Variants in PUDP observed in about 807,000 individuals in gnomAD.
PUDP encodes pseudouridine-5'-phosphatase.
In PUDP, 8 loss-of-function variants were observed where a neutral mutation model predicts 9.4. That is an observed-to-expected ratio of 0.85 (90% CI 0.50 to 1.53). The LOEUF is 1.53. Ranked by LOEUF, PUDP falls within the 40% of genes most tolerant of loss-of-function variation. PUDP has a pLI of 0.00. For synonymous variants in PUDP, 99 were observed against 80.7 expected, an observed-to-expected ratio of 1.23 and a Z score of -1.22; for missense variants, 188 against 189.7, an observed-to-expected ratio of 0.99 and a Z score of 0.05.
intron 3 of PUDP, among the ~76,000 whole-genome samples, chrX:6,848,094 A>AC (rs1926775091): frequency 8.9e-6 from 1 of 112,079 alleles, no homozygotes; most frequent in Non-Finnish European, 1.9e-5. Flanking sequence ...GATCCTGTGT[A>AC]CATCTTCACT....
rs1005567620 is a variant in PUDP, at chrX:6,769,806, A to C, written c.*248-63340T>G. On this transcript the variant is annotated intron_variant and NMD_transcript_variant, in intron 3 of 3. Transcript: ENST00000655425. ...GCCTAGCGCCTGGGCTCTCAATCGT[A>C]CTTAAATAAATAGCAATTTTGATGG... 3.6e-5 allele frequency among the ~76,000 whole-genome samples: 4 copies of C among 112,174 alleles called. No individual in the cohort carries two copies. The Admixed American group carries it at 3.8e-4, about 11-fold the overall frequency.
rs193164745 is a variant in PUDP at position 7,103,041 on chromosome X, A to G, written c.280+2579T>C. Among the ~76,000 whole-genome samples, 218 of 111,974 alleles carry G rather than the reference A, an allele frequency of 1.9e-3. 1 individual carries two copies. Among genetic ancestry groups the G allele is most frequent in the Non-Finnish European group, 2.9e-3 (152 of 53,110 alleles). On this transcript the variant is annotated intron_variant, in intron 2 of 3. Transcript: ENST00000381077. The stretch of plus-strand genomic sequence containing the variant: ...CAATGCAATCCCTATCAAAATCCCA[A>G]TGGCATTTTGAGCAGAAACAGAGAA...
chrX:6,887,547 C>T (rs767224779), intron 3 of PUDP, among the ~76,000 whole-genome samples: 15 of 110,158 alleles, frequency 1.4e-4, no homozygotes, highest in African/African-American at 2.3e-4. Flanking sequence ...GGGTCTCGGG[C>T]GTGAGCTTTT....
intron 3 of PUDP, among the ~76,000 whole-genome samples, chrX:6,734,164 T>A (rs745610124): frequency 4.5e-5 from 5 of 111,158 alleles, no homozygotes; most frequent in Non-Finnish European, 7.5e-5. Flanking sequence ...CAAAAAAATC[T>A]CATTTCAAGA....
chrX:6,801,496 A>G (rs1251440457), intron 3 of PUDP, among the ~76,000 whole-genome samples: 1 of 112,470 alleles, frequency 8.9e-6, no homozygotes, highest in African/African-American at 3.2e-5. Context: ...CAATGCTGGC[A>G]GGGTAGAACG....
At chrX:7,088,264 C>G (rs1313229838) in intron 2 of PUDP, among the ~76,000 whole-genome samples, 2 of 110,589 alleles carry the variant, frequency 1.8e-5, no homozygotes, top group Admixed American at 1.9e-4. Context: ...TTTTAAGTAG[C>G]AACAGGATTT....
intron 3 of PUDP, among the ~76,000 whole-genome samples, chrX:6,820,003 CTTTTTTTT>C (rs201080670): frequency 9.9e-6 from 1 of 100,618 alleles, no homozygotes; most frequent in African/African-American, 3.6e-5. Flanking sequence ...ATAAATTTTT[CTTTTTTTT>C]TTTTGACTGG....
At chrX:7,110,398 C>T (rs1336636978) in intron 1 of PUDP, among the ~76,000 whole-genome samples, 1 of 112,325 alleles carries the variant, frequency 8.9e-6, no homozygotes, top group African/African-American at 3.2e-5. Flanking sequence ...AGGGTTTCTC[C>T]CCAACTGCTC....
At chrX:6,951,291 C>T (rs1180092874) in intron 3 of PUDP, among the ~76,000 whole-genome samples, 2 of 110,139 alleles carry the variant, frequency 1.8e-5, no homozygotes, top group African/African-American at 6.6e-5. Context: ...TCTATCCATC[C>T]ATCCATCCAT....
intron 3 of PUDP, among the ~76,000 whole-genome samples, chrX:6,971,583 A>ATTT (rs745507486): frequency 1.0e-5 from 1 of 95,337 alleles, no homozygotes; most frequent in African/African-American, 3.8e-5. Flanking sequence ...CGCCCGGCTA[A>ATTT]TTTTTTTTTT....
At chrX:6,783,991 T>C (rs887276698) in intron 3 of PUDP, among the ~76,000 whole-genome samples, 3 of 111,479 alleles carry the variant, frequency 2.7e-5, no homozygotes, top group Non-Finnish European at 5.6e-5. Flanking sequence ...GGGCCCTCAA[T>C]AGATTGGATG....
chrX:7,028,791 C>T (rs969613602), intron 1 of PUDP, among the ~76,000 whole-genome samples: 3 of 111,506 alleles, frequency 2.7e-5, no homozygotes, highest in African/African-American at 6.5e-5. Flanking sequence ...CGCCACGGAC[C>T]GGGCCGCTTA....
chrX:6,842,794 C>T (rs774213011), intron 3 of PUDP, among the ~76,000 whole-genome samples: 59 of 112,530 alleles, frequency 5.2e-4, no homozygotes, highest in African/African-American at 1.8e-3. Context: ...ACTTCACTAT[C>T]TGCTGGTTAC....
intron 1 of PUDP, among the ~76,000 whole-genome samples, chrX:7,107,298 T>C (rs1931912360): frequency 8.9e-6 from 1 of 111,852 alleles, no homozygotes; most frequent in Non-Finnish European, 1.9e-5. Context: ...CATAAACAAA[T>C]ACAATAATCA....
intron 1 of PUDP, among the ~76,000 whole-genome samples, chrX:7,106,825 C>T (rs762750371): frequency 9.0e-6 from 1 of 111,442 alleles, no homozygotes; most frequent in Non-Finnish European, 1.9e-5. Flanking sequence ...AACTAACTGA[C>T]CTGCTAGGAG....
chrX:6,953,484 A>AT (rs1928583601), intron 3 of PUDP, among the ~76,000 whole-genome samples: 1 of 62,229 alleles, frequency 1.6e-5, no homozygotes, highest in Non-Finnish European at 3.7e-5. Context: ...TTAATACACC[A>AT]CTTTTTTTTT....
intron 1 of PUDP, among the ~76,000 whole-genome samples, chrX:7,002,050 A>G (rs926398897): frequency 8.9e-6 from 1 of 112,102 alleles, no homozygotes; most frequent in African/African-American, 3.2e-5. Context: ...GATATTTGCA[A>G]CACGTAAGTC....
chrX:6,729,616 C>T (rs1248963568), intron 3 of PUDP, among the ~76,000 whole-genome samples: 1 of 112,035 alleles, frequency 8.9e-6, no homozygotes. Flanking sequence ...CTTCAAATAG[C>T]CTGATCAATC....
chrX:6,983,812 A>G (rs1222051247), intron 1 of PUDP, among the ~76,000 whole-genome samples: 4 of 112,458 alleles, frequency 3.6e-5, no homozygotes, highest in Admixed American at 9.4e-5. Context: ...GCATAGGCCA[A>G]GTAAATAACT....
Sources: allele counts gnomAD v4.1 joint callset (sites outside exome capture counted in the v4.1 genomes callset), GRCh38; gene constraint gnomAD v4.1.1; transcripts MANE v1.5; gene names NCBI Gene and HGNC (gene_info 2026-07-23, HGNC 2026-07-21).